Variants in TRDMT1 observed in about 807,000 individuals in gnomAD.
TRDMT1 encodes tRNA (cytosine(38)-C(5))-methyltransferase.
A neutral mutation model predicts 51.2 loss-of-function variants in TRDMT1; 49 were observed. The observed-to-expected ratio is 0.96, with a 90% CI of 0.76 to 1.21. The LOEUF (loss-of-function observed/expected upper bound fraction) is 1.21, where lower values mean the gene tolerates loss of function less well. Among genes scored for constraint, TRDMT1 ranks in the 50% most tolerant of loss-of-function variants. The pLI is 0.00. For synonymous variants in TRDMT1, 187 were observed against 164.6 expected, an observed-to-expected ratio of 1.14 and a Z score of -1.04; for missense variants, 534 against 462.3, an observed-to-expected ratio of 1.16 and a Z score of -1.42.
chr10:17,145,137 C>T lies in TRDMT1; in HGVS notation c.*3903G>A. ...TGGCATGCGCCTGTAATCCCAGCTA[C>T]TAGGGAGGCTGAGGCAGGAAAATCA... is the stretch of plus-strand genomic sequence containing the variant. On this transcript the variant is annotated 3_prime_UTR_variant, in exon 11 of 11. Transcript: ENST00000377799. 5.2e-6 allele frequency: 3 copies of T among 582,398 alleles called. No homozygotes were observed. Among genetic ancestry groups the T allele is most frequent in the Non-Finnish European group, 6.5e-6 (3 of 462,072 alleles). 36.1% of individuals were successfully genotyped at this position (582,398 alleles called of 1,614,324 possible).
chr10:17,149,699 T>C (rs1838443169), intron 10 of TRDMT1, among the ~76,000 whole-genome samples: 1 of 152,128 alleles, frequency 6.6e-6, no homozygotes, highest in African/African-American at 2.4e-5. Flanking sequence ...TAGGAGTGTC[T>C]ACTGGATTAT....
In TRDMT1 at chr10:17,149,082, G is replaced by A. The variant is rs759890930; in HGVS notation, c.1134C>T (p.Asn378=). 8 of 1,611,248 alleles carry A rather than the reference G, an allele frequency of 5.0e-6. No homozygotes were observed. The highest frequency in any genetic ancestry group is 2.2e-5 in the South Asian group (2 of 90,848). The change falls in exon 11 of 11, where the codon AAC becomes AAT. Residue 378 remains asparagine, a synonymous_variant. Coordinates refer to ENST00000377799, the MANE Select transcript of TRDMT1 (RefSeq NM_004412.7). ...QRYRLLGNSL[N]VHVVAKLIKI... ...TGATTAGTTTAGCTACTACATGCAC[G>A]TTGAGACTATTTCCAAGTAGGCGAT...
At chr10:17,184,818 G>C (rs1305168189) in intron 1 of TRDMT1, among the ~76,000 whole-genome samples, 1 of 151,972 alleles carries the variant, frequency 6.6e-6, no homozygotes, top group East Asian at 1.9e-4. Context: ...TCAGCATTAG[G>C]CATTCTTATT....
At chr10:17,174,685 G>C (rs1842425639) in intron 1 of TRDMT1, 25 bp from the exon 2 acceptor site, 1 of 1,515,590 alleles carries the variant, frequency 6.6e-7, no homozygotes, top group Admixed American at 1.7e-5. Flanking sequence ...GGAGTATCTT[G>C]AAAAGAAAAG....
At chr10:17,197,643 C>T (rs1845630114) in intron 1 of TRDMT1, among the ~76,000 whole-genome samples, 1 of 152,130 alleles carries the variant, frequency 6.6e-6, no homozygotes, top group African/African-American at 2.4e-5. Flanking sequence ...ATAAAGCCTA[C>T]AACTCAATAA....
intron 10 of TRDMT1, among the ~76,000 whole-genome samples, chr10:17,149,594 G>A (rs541343101): frequency 1.4e-4 from 21 of 152,042 alleles, no homozygotes; most frequent in African/African-American, 4.8e-4. Flanking sequence ...TCTAATTCCA[G>A]AATATTTTCA....
chr10:17,150,800 C>G (rs1838594502), intron 10 of TRDMT1: 1 of 984,414 alleles, frequency 1.0e-6, no homozygotes, highest in African/African-American at 1.7e-5. Flanking sequence ...CATAAAGTTT[C>G]TATTCTAAAG....
intron 1 of TRDMT1, among the ~76,000 whole-genome samples, chr10:17,185,648 G>C (rs1302693682): frequency 1.3e-5 from 2 of 152,142 alleles, no homozygotes; most frequent in Non-Finnish European, 2.9e-5. Context: ...CAAAGACTTG[G>C]AACCAACCCA....
intron 8 of TRDMT1, among the ~76,000 whole-genome samples, chr10:17,155,001 C>T (rs963359225): frequency 2.4e-5 from 3 of 122,488 alleles, no homozygotes; most frequent in African/African-American, 8.8e-5. Context: ...GGGTGGATCA[C>T]CTGAGGTCAG....
chr10:17,146,761 C>A lies in TRDMT1; in HGVS notation c.*2279G>T, dbSNP rs967520144. 1 of 985,354 alleles carries A rather than the reference C, an allele frequency of 1.0e-6. No individual in the cohort carries two copies. The highest frequency in any genetic ancestry group is 1.2e-6 in the Non-Finnish European group (1 of 829,908). The allele number at this position is 985,354 out of a possible 1,614,324, so 61.0% of individuals were successfully genotyped here. On this transcript the variant is annotated 3_prime_UTR_variant, in exon 11 of 11. Transcript: ENST00000377799. ...ATATCAGGAAACAGAATTTCCAGTGCAAATTTTATATACAGCATTATTACC... is the reference window on the plus strand; with the variant it reads ...ATATCAGGAAACAGAATTTCCAGTGAAAATTTTATATACAGCATTATTACC...
intron 1 of TRDMT1, among the ~76,000 whole-genome samples, chr10:17,195,938 G>GA (rs958740400): frequency 7.9e-5 from 12 of 151,108 alleles, no homozygotes; most frequent in Non-Finnish European, 1.3e-4. Flanking sequence ...ATGTATAACT[G>GA]AAAAAAAAAT....
At chr10:17,150,680 T>C in intron 10 of TRDMT1, 1 of 984,842 alleles carries the variant, frequency 1.0e-6, no homozygotes, top group South Asian at 4.7e-5. Context: ...TTTCATATAC[T>C]CATGAGGACA....
chr10:17,162,750 C>A (rs376096914), intron 3 of TRDMT1, among the ~76,000 whole-genome samples: 4 of 151,964 alleles, frequency 2.6e-5, no homozygotes, highest in African/African-American at 9.7e-5. Context: ...GGCAGAGGCA[C>A]AAGAATCACT....
At chr10:17,170,700 C>G (rs140269527) in intron 2 of TRDMT1, among the ~76,000 whole-genome samples, 5 of 152,112 alleles carry the variant, frequency 3.3e-5, no homozygotes, top group Non-Finnish European at 5.9e-5. Flanking sequence ...GACCACAGTA[C>G]GCTTTCATCA....
Position 17,143,591 on chromosome 10 carries a change from T to C in TRDMT1, c.*5449A>G. 1.0e-6 allele frequency: 1 copy of C among 985,460 alleles called. No homozygotes were observed. Among genetic ancestry groups the C allele is most frequent in the African/African-American group, 1.7e-5 (1 of 57,372 alleles). 61.0% of individuals were successfully genotyped at this position (985,460 alleles called of 1,614,324 possible). On this transcript the variant is annotated 3_prime_UTR_variant, in exon 11 of 11. Coordinates refer to ENST00000377799, the MANE Select transcript of TRDMT1 (RefSeq NM_004412.7). The stretch of plus-strand genomic sequence containing the variant: ...AAAACGACATTCATGCTGGATTAAA[T>C]TTAGAAGGCTCAAATCTGTTAAATG...
rs1222896638 is a variant in TRDMT1 at position 17,146,875 on chromosome 10, A to G, written c.*2165T>C. On this transcript the variant is annotated 3_prime_UTR_variant, in exon 11 of 11. Coordinates refer to ENST00000377799, the MANE Select transcript of TRDMT1 (RefSeq NM_004412.7). ...TCTGCTAATTGAATGACACTGGTAG[A>G]TACATCTTCATTAAGATGTGAGTTT... 1 of 984,616 alleles carries G rather than the reference A, an allele frequency of 1.0e-6. No homozygotes were observed. The highest frequency in any genetic ancestry group is 1.1e-4 in the East Asian group (1 of 8,828). 61.0% of individuals were successfully genotyped at this position (984,616 alleles called of 1,614,324 possible). A position where few individuals can be genotyped will look rare whatever the true frequency, so the allele number is the denominator to read the frequency against.
chr10:17,177,174 C>T (rs1443824946), intron 1 of TRDMT1, among the ~76,000 whole-genome samples: 2 of 32,788 alleles, frequency 6.1e-5, no homozygotes, highest in African/African-American at 9.2e-5. Flanking sequence ...TAGAGAAACA[C>T]ATTTATTTTA....
chr10:17,138,429 T>A lies in TRDMT1; in HGVS notation c.*10611A>T, dbSNP rs867685746. 2.6e-5 allele frequency among the ~76,000 whole-genome samples: 4 copies of A among 152,192 alleles called. No homozygotes were observed. The highest frequency in any genetic ancestry group is 9.7e-5 in the African/African-American group (4 of 41,446). On this transcript the variant is annotated 3_prime_UTR_variant, in exon 11 of 11. Transcript: ENST00000377799. ...ATTGTTCCAATTCTTTCATTTTCCA[T>A]GAAGGATTACATAAAATAATGATGG...
rs58447994 is a variant in TRDMT1, at chr10:17,151,108, G to T, written c.1076-1968C>A. On this transcript the variant is annotated intron_variant, in intron 10 of 10. Coordinates refer to ENST00000377799, the MANE Select transcript of TRDMT1 (RefSeq NM_004412.7). ...TTTTGCCACTGAAAGTAAAGCATCTGTGCATATTTCTTTAAATCTAAACTA... is the reference window on the plus strand; with the variant it reads ...TTTTGCCACTGAAAGTAAAGCATCTTTGCATATTTCTTTAAATCTAAACTA... 0.015 allele frequency: 11,571 copies of T among 772,594 alleles called. 1,096 individuals carry two copies. The African/African-American group carries it at 0.2, about 14-fold the overall frequency. 47.9% of individuals were successfully genotyped at this position (772,594 alleles called of 1,614,324 possible). A position where few individuals can be genotyped will look rare whatever the true frequency, so the allele number is the denominator to read the frequency against.
Sources: gnomAD v4.1 joint callset for allele counts (sites outside exome capture counted in the v4.1 genomes callset) on GRCh38, gnomAD v4.1.1 for gene constraint, MANE v1.5 for transcripts, NCBI Gene and HGNC (gene_info 2026-07-23, HGNC 2026-07-21) for gene names.